BRD9: variants seen among roughly 807,000 people sequenced by gnomAD.
BRD9 encodes the protein bromodomain-containing protein 9.
In BRD9, 47 loss-of-function variants were observed where a neutral mutation model predicts 68.7. That is an observed-to-expected ratio of 0.68 (90% CI 0.54 to 0.87). The LOEUF is 0.87. BRD9 is among the 40% of genes least tolerant of loss of function. The pLI, the probability that BRD9 is intolerant of heterozygous loss-of-function variation, is 0.00. For synonymous variants in BRD9, 313 were observed against 293.9 expected, an observed-to-expected ratio of 1.06 and a Z score of -0.67; for missense variants, 670 against 748.4, an observed-to-expected ratio of 0.90 and a Z score of 1.22.
At chr5:880,973 G>A (rs545065889) in intron 9 of BRD9, 134 bp downstream of exon 9, 53 of 888,264 alleles carry the variant, frequency 6.0e-5, no homozygotes, top group African/African-American at 5.2e-4. Context: ...GTTGGGGTGC[G>A]AGCAAGGTCG....
intron 12 of BRD9, among the ~76,000 whole-genome samples, chr5:872,531 G>A (rs560361788): frequency 1.3e-5 from 2 of 152,288 alleles, no homozygotes; most frequent in South Asian, 2.1e-4. Flanking sequence ...CCAGCTTCCT[G>A]CCTGGAAGGA....
At chr5:869,832 C>A (rs1270261392) in intron 14 of BRD9, among the ~76,000 whole-genome samples, 1 of 152,230 alleles carries the variant, frequency 6.6e-6, no homozygotes, top group Admixed American at 6.5e-5. Flanking sequence ...CTGACATGTA[C>A]TGACTGATGT....
At chr5:892,526 AC>A (rs1006607326) in intron 1 of BRD9, 79 bp downstream of exon 1, 17 of 1,499,990 alleles carry the variant, frequency 1.1e-5, no homozygotes, top group Non-Finnish European at 1.5e-5. Context: ...GGTGCCCAGG[AC>A]CCCCGTCCGC....
intron 8 of BRD9, chr5:882,942 A>G: frequency 3.8e-6 from 1 of 265,584 alleles, no homozygotes; most frequent in South Asian, 3.6e-5. Context: ...CATGCAAGCC[A>G]CGTGAACCAC....
chr5:886,839 G>A, intron 6 of BRD9, 132 bp from the exon 7 acceptor site: 1 of 1,471,840 alleles, frequency 6.8e-7, no homozygotes, highest in South Asian at 1.3e-5. Flanking sequence ...ACGATGGGAT[G>A]GGATGGGGAT....
intron 3 of BRD9, 188 bp from the exon 4 acceptor site, chr5:889,835 C>A (rs1753094495): frequency 7.1e-6 from 9 of 1,274,138 alleles, no homozygotes; most frequent in South Asian, 6.3e-5. Context: ...GAAAGGGCAC[C>A]CCCACAGCAG....
At chr5:876,360 ATAGT>A (rs1383543133) in intron 11 of BRD9, 148 bp from the exon 12 acceptor site, 1 of 596,440 alleles carries the variant, frequency 1.7e-6, no homozygotes. Context: ...GGAGTGGCTG[ATAGT>A]TTTCATTAGA....
rs1484443006 is a variant in BRD9 at position 887,645 on chromosome 5, T to C, written c.607-174A>G. Among the ~76,000 whole-genome samples, 4 of 152,226 alleles carry C rather than the reference T, an allele frequency of 2.6e-5. 1 individual carries two copies. Among genetic ancestry groups the C allele is most frequent in the African/African-American group, 9.6e-5 (4 of 41,454 alleles). On this transcript the variant is annotated intron_variant, in intron 5 of 15. Coordinates refer to ENST00000467963, the MANE Select transcript of BRD9 (RefSeq NM_023924.5). ...AGAACTTAAGAGAAGTTTTCTTAGT[T>C]GCACATTGGTCTTGCATGAAAAATA...
chr5:877,698 T>C (rs966724297), intron 11 of BRD9, among the ~76,000 whole-genome samples: 2 of 152,194 alleles, frequency 1.3e-5, no homozygotes, highest in South Asian at 4.1e-4. Context: ...TGGCCTGAAT[T>C]GTATCTCCCG....
chr5:888,900 G>A lies in BRD9; in HGVS notation c.606+121C>T, dbSNP rs73733985. ...ATGCTGTGTCTGTAAAACATCATCC[G>A]AACACAGAAACACCTGTGAAAGCTC... On this transcript the variant is annotated intron_variant, in intron 5 of 15. Coordinates refer to ENST00000467963, the MANE Select transcript of BRD9 (RefSeq NM_023924.5). 6.6e-3 allele frequency: 6,847 copies of A among 1,043,176 alleles called. 242 individuals are homozygous for A. The African/African-American group carries it at 0.084, about 13-fold the overall frequency. 64.6% of individuals were successfully genotyped at this position (1,043,176 alleles called of 1,614,324 possible). A position where few individuals can be genotyped will look rare whatever the true frequency, so the allele number is the denominator to read the frequency against.
chr5:887,025 T>C, intron 6 of BRD9: 1 of 516,920 alleles, frequency 1.9e-6, no homozygotes, highest in South Asian at 2.2e-5. Flanking sequence ...CCACTCAGGA[T>C]GGCCAAGGAA....
chr5:871,134 G>A (rs1037556494), intron 13 of BRD9, among the ~76,000 whole-genome samples: 5 of 152,156 alleles, frequency 3.3e-5, no homozygotes, highest in Admixed American at 6.5e-5. Context: ...CCTGCCAATC[G>A]GCAGGTGCAG....
At chr5:892,072 C>T in intron 1 of BRD9, 1 of 674,038 alleles carries the variant, frequency 1.5e-6, no homozygotes, top group Non-Finnish European at 2.4e-6. Flanking sequence ...CCCTTTCGAG[C>T]CACGGTGTCC....
At chr5:865,130 G>C (rs546640028) in intron 15 of BRD9, among the ~76,000 whole-genome samples, 57 of 152,338 alleles carry the variant, frequency 3.7e-4, no homozygotes, top group African/African-American at 1.3e-3. Context: ...AGAAACACTG[G>C]AACCAGGGTC....
chr5:882,974 C>G (rs530278310), intron 8 of BRD9: 1 of 289,784 alleles, frequency 3.5e-6, no homozygotes, highest in African/African-American at 2.8e-5. Flanking sequence ...ACACAAGCCA[C>G]GCAGACCACA....
At chr5:886,066 G>GTCCTCACCTGCTTCCCCCGCAGCA (rs1752508111) in intron 7 of BRD9, among the ~76,000 whole-genome samples, 1 of 152,216 alleles carries the variant, frequency 6.6e-6, no homozygotes, top group Non-Finnish European at 1.5e-5. Context: ...GTGGCCTGCA[G>GTCCTCACCTGCTTCCCCCGCAGCA]TCCTCACCTG....
intron 9 of BRD9, among the ~76,000 whole-genome samples, chr5:880,491 G>C (rs1751573874): frequency 6.6e-6 from 1 of 151,940 alleles, no homozygotes; most frequent in Non-Finnish European, 1.5e-5. Flanking sequence ...AAGACCACCA[G>C]CAGGCATGAG....
intron 8 of BRD9, chr5:883,019 T>A (rs1752020431): frequency 3.2e-6 from 1 of 309,512 alleles, no homozygotes; most frequent in African/African-American, 2.4e-5. Context: ...GACTGCAACC[T>A]CCCAACACGC....
chr5:874,750 C>T (rs552797416), intron 12 of BRD9, among the ~76,000 whole-genome samples: 261 of 152,322 alleles, frequency 1.7e-3, no homozygotes, highest in African/African-American at 5.9e-3. Flanking sequence ...CAGCGCGGGA[C>T]GACATCATCA....
Sources: gnomAD v4.1 joint callset for allele counts (sites outside exome capture counted in the v4.1 genomes callset) on GRCh38, gnomAD v4.1.1 for gene constraint, MANE v1.5 for transcripts, NCBI Gene and HGNC (gene_info 2026-07-23, HGNC 2026-07-21) for gene names.